IL1RAPL1: variants seen among roughly 807,000 people sequenced by gnomAD.
IL1RAPL1 encodes the protein interleukin 1 receptor accessory protein like 1.
IL1RAPL1 carries 3 observed loss-of-function variants against 48.4 expected under a neutral mutation model. The ratio of observed to expected loss-of-function variants is 0.06; its 90% confidence interval spans 0.03 to 0.16. IL1RAPL1 has a LOEUF of 0.16. Ranked by LOEUF, IL1RAPL1 falls within the 10% of genes least tolerant of loss-of-function variation. The pLI, the probability that IL1RAPL1 is intolerant of heterozygous loss-of-function variation, is 1.00. For missense variants in IL1RAPL1, 349 were observed against 530.6 expected, an observed-to-expected ratio of 0.66 and a Z score of 3.36; for synonymous variants, 185 against 187.7, an observed-to-expected ratio of 0.99 and a Z score of 0.12.
chrX:29,415,374 C>G (rs1301314508), intron 5 of IL1RAPL1, among the ~76,000 whole-genome samples: 1 of 110,668 alleles, frequency 9.0e-6, no homozygotes, highest in Non-Finnish European at 1.9e-5. Context: ...TAATATATAT[C>G]TATAAATATG....
chrX:29,375,925 T>G (rs1223685662), intron 3 of IL1RAPL1, among the ~76,000 whole-genome samples: 6 of 112,041 alleles, frequency 5.4e-5, no homozygotes, highest in Non-Finnish European at 9.4e-5. Flanking sequence ...TCATTTCTGA[T>G]TGTACTTATT....
intron 6 of IL1RAPL1, among the ~76,000 whole-genome samples, chrX:29,720,669 G>C (rs1488782973): frequency 9.0e-6 from 1 of 110,706 alleles, no homozygotes; most frequent in African/African-American, 3.3e-5. Flanking sequence ...GGGTTGATGG[G>C]TGCAGCAAAC....
chrX:28,815,698 C>G (rs1285494682), intron 2 of IL1RAPL1, among the ~76,000 whole-genome samples: 1 of 102,902 alleles, frequency 9.7e-6, no homozygotes, highest in Non-Finnish European at 2.0e-5. Context: ...TGAGTGAAAA[C>G]ATGTGATATT....
At chrX:28,842,450 A>T (rs1921398038) in intron 2 of IL1RAPL1, among the ~76,000 whole-genome samples, 1 of 110,603 alleles carries the variant, frequency 9.0e-6, no homozygotes, top group Non-Finnish European at 1.9e-5. Context: ...CTTTTCTTTG[A>T]CCTCGGCCAA....
At chrX:29,862,483 G>T (rs1324702777) in intron 6 of IL1RAPL1, among the ~76,000 whole-genome samples, 1 of 110,945 alleles carries the variant, frequency 9.0e-6, no homozygotes, top group African/African-American at 3.3e-5. Context: ...AAGTACTATA[G>T]GCAAAAACGT....
At chrX:29,803,529 A>G (rs1245920338) in intron 6 of IL1RAPL1, among the ~76,000 whole-genome samples, 2 of 99,217 alleles carry the variant, frequency 2.0e-5, no homozygotes, top group Non-Finnish European at 4.0e-5. Flanking sequence ...ATATGTATAT[A>G]TGTATACATA....
At chrX:29,363,347 A>G (rs1933401934) in intron 3 of IL1RAPL1, among the ~76,000 whole-genome samples, 1 of 111,467 alleles carries the variant, frequency 9.0e-6, no homozygotes, top group African/African-American at 3.3e-5. Context: ...AACTCCTCAT[A>G]TCCCCTGTCA....
chrX:28,910,309 AAC>A (rs1923326241), intron 2 of IL1RAPL1, among the ~76,000 whole-genome samples: 1 of 111,555 alleles, frequency 9.0e-6, no homozygotes, highest in African/African-American at 3.2e-5. Context: ...TTATGATTTT[AAC>A]AGTGACAACA....
intron 5 of IL1RAPL1, among the ~76,000 whole-genome samples, chrX:29,571,777 A>G (rs1922604543): frequency 8.9e-6 from 1 of 111,801 alleles, no homozygotes; most frequent in African/African-American, 3.2e-5. Flanking sequence ...TTTCAGTGCC[A>G]AATCATCTTA....
At chrX:28,951,481 A>G (rs1424524350) in intron 2 of IL1RAPL1, among the ~76,000 whole-genome samples, 1 of 110,165 alleles carries the variant, frequency 9.1e-6, no homozygotes, top group African/African-American at 3.3e-5. Context: ...TTGTTTTACA[A>G]TTTAGGGTTT....
rs1331725942 is a variant in IL1RAPL1, at chrX:29,383,212, A to G, written c.363-13046A>G. ...AGTTTGCCCATTACAAAATACATTCACACCAGGATGCTATTTACTTCTCAC... is the reference window on the plus strand; with the variant it reads ...AGTTTGCCCATTACAAAATACATTCGCACCAGGATGCTATTTACTTCTCAC... On this transcript the variant is annotated intron_variant, in intron 3 of 10. Coordinates refer to ENST00000378993, the MANE Select transcript of IL1RAPL1 (RefSeq NM_014271.4). Among the ~76,000 whole-genome samples, 8 of 111,986 alleles carry G rather than the reference A, an allele frequency of 7.1e-5. 1 individual carries two copies. The highest frequency in any genetic ancestry group is 1.9e-5 in the Non-Finnish European group (1 of 53,123).
chrX:29,664,982 T>G (rs1345034991), intron 5 of IL1RAPL1, among the ~76,000 whole-genome samples: 1 of 112,500 alleles, frequency 8.9e-6, no homozygotes, highest in Non-Finnish European at 1.9e-5. Flanking sequence ...ATTATTTAAA[T>G]GTCTATAGAG....
At chrX:29,322,877 AT>A (rs1183486064) in intron 3 of IL1RAPL1, among the ~76,000 whole-genome samples, 2 of 111,984 alleles carry the variant, frequency 1.8e-5, no homozygotes, top group Non-Finnish European at 3.8e-5. Context: ...CCAAAGGAGA[AT>A]TCAAAACTGG....
chrX:29,343,609 A>G (rs1295919514), intron 3 of IL1RAPL1, among the ~76,000 whole-genome samples: 3 of 112,180 alleles, frequency 2.7e-5, no homozygotes, highest in Admixed American at 9.5e-5. Flanking sequence ...TCCTGAAAGT[A>G]TGAAATAACA....
chrX:28,672,068 T>A (rs1934951971), intron 1 of IL1RAPL1, among the ~76,000 whole-genome samples: 1 of 112,414 alleles, frequency 8.9e-6, no homozygotes, highest in Non-Finnish European at 1.9e-5. Flanking sequence ...TCAACATTTG[T>A]AACTGTATGG....
At chrX:29,141,566 T>C (rs1397886563) in intron 2 of IL1RAPL1, among the ~76,000 whole-genome samples, 2 of 111,946 alleles carry the variant, frequency 1.8e-5, no homozygotes, top group African/African-American at 3.2e-5. Flanking sequence ...TTTATGTAAA[T>C]GAGAAATAAA....
chrX:29,419,165 T>C (rs1411922695), intron 5 of IL1RAPL1, among the ~76,000 whole-genome samples: 1 of 111,692 alleles, frequency 9.0e-6, no homozygotes, highest in Non-Finnish European at 1.9e-5. Context: ...CTCTTCTGGA[T>C]GGCGGATGAA....
intron 2 of IL1RAPL1, among the ~76,000 whole-genome samples, chrX:28,794,073 A>G (rs1936584159): frequency 9.0e-6 from 1 of 111,555 alleles, no homozygotes; most frequent in South Asian, 3.7e-4. Flanking sequence ...GTAAAATTAA[A>G]TAGAGGCATT....
At chrX:28,642,049 T>TA (rs1006348883) in intron 1 of IL1RAPL1, among the ~76,000 whole-genome samples, 6 of 110,524 alleles carry the variant, frequency 5.4e-5, no homozygotes, top group African/African-American at 1.7e-4. Context: ...CCAACAAAGA[T>TA]AAAAAAAGAC....
Sources: gnomAD v4.1 joint callset for allele counts (sites outside exome capture counted in the v4.1 genomes callset) on GRCh38, gnomAD v4.1.1 for gene constraint, MANE v1.5 for transcripts, NCBI Gene and HGNC (gene_info 2026-07-23, HGNC 2026-07-21) for gene names.